RALGPS1: variants seen among roughly 807,000 people sequenced by gnomAD.
RALGPS1 encodes Ral GEF with PH domain and SH3 binding motif 1, also known as ras-specific guanine nucleotide-releasing factor RalGPS1.
A neutral mutation model predicts 78.8 loss-of-function variants in RALGPS1; 19 were observed. The ratio of observed to expected loss-of-function variants is 0.24; its 90% CI spans 0.17 to 0.35. The LOEUF is 0.35. RALGPS1 is among the 10% of genes least tolerant of loss of function. The pLI is 1.00. For missense variants in RALGPS1, 454 were observed against 688.3 expected, an observed-to-expected ratio of 0.66 and a Z score of 3.81; for synonymous variants, 228 against 256.3, an observed-to-expected ratio of 0.89 and a Z score of 1.06.
intron 8 of RALGPS1, among the ~76,000 whole-genome samples, chr9:127,141,612 A>G (rs2057777907): frequency 8.0e-6 from 1 of 125,498 alleles, no homozygotes; most frequent in Non-Finnish European, 1.7e-5. Context: ...TATTTTTTTA[A>G]TGGCAAAAAA....
intron 1 of RALGPS1, among the ~76,000 whole-genome samples, chr9:126,925,871 G>T (rs1453314389): frequency 6.6e-6 from 1 of 152,204 alleles, no homozygotes; most frequent in Non-Finnish European, 1.5e-5. Context: ...AGGTGGAGAG[G>T]TGGCAGTTGC....
chr9:127,040,225 A>G (rs1037869127), intron 5 of RALGPS1, among the ~76,000 whole-genome samples: 3 of 152,180 alleles, frequency 2.0e-5, no homozygotes, highest in African/African-American at 7.2e-5. Flanking sequence ...ACATGGCAAA[A>G]TCCCATCTCT....
chr9:127,165,179 G>A (rs1278177375), intron 8 of RALGPS1, among the ~76,000 whole-genome samples: 2 of 152,164 alleles, frequency 1.3e-5, no homozygotes, highest in Admixed American at 6.5e-5. Context: ...CACTTCTCCT[G>A]CCCAACTCTG....
intron 8 of RALGPS1, among the ~76,000 whole-genome samples, chr9:127,111,578 G>C (rs967125501): frequency 7.9e-5 from 12 of 152,252 alleles, no homozygotes; most frequent in Admixed American, 7.9e-4. Context: ...GAGGAGGTCA[G>C]AGCTGCGCAG....
In RALGPS1 at chr9:127,222,889, C is replaced by G. The variant is rs2062811046; in HGVS notation, c.*4120C>G. On this transcript the variant is annotated 3_prime_UTR_variant, in exon 19 of 19. Coordinates refer to ENST00000259351, the MANE Select transcript of RALGPS1 (RefSeq NM_014636.3). ...CGTTTCCTGTTAAATCTGTTGCACT[C>G]TCCTGGGCTGTCTTTTTCTCCAGCA... is the stretch of plus-strand genomic sequence containing the variant. 6.6e-6 allele frequency: 1 copy of G among 152,626 alleles called. No homozygotes were observed. The highest frequency in any genetic ancestry group is 2.1e-4 in the South Asian group (1 of 4,834). The allele number at this position is 152,626 out of a possible 1,614,324, so 9.5% of individuals were successfully genotyped here. A position where few individuals can be genotyped will look rare whatever the true frequency, so the allele number is the denominator to read the frequency against.
Position 126,914,982 on chromosome 9 carries a change from G to T in RALGPS1, c.-66+7G>T. 1 of 151,392 alleles carries T rather than the reference G, an allele frequency of 6.6e-6. No individual in the cohort carries two copies. 9.4% of individuals were successfully genotyped at this position (151,392 alleles called of 1,614,324 possible). A position where few individuals can be genotyped will look rare whatever the true frequency, so the allele number is the denominator to read the frequency against. ...CACTGCGGCCCGCGTCAAGGTGACC[G>T]GCCGGGACTGCGGCGGCGGGGAGAG... is the stretch of plus-strand genomic sequence containing the variant. On this transcript the variant is annotated splice_region_variant and intron_variant, in intron 1 of 18. Coordinates refer to ENST00000259351, the MANE Select transcript of RALGPS1 (RefSeq NM_014636.3).
intron 4 of RALGPS1, among the ~76,000 whole-genome samples, chr9:127,026,963 G>T (rs530659709): frequency 6.6e-6 from 1 of 152,290 alleles, no homozygotes; most frequent in East Asian, 1.9e-4. Context: ...GCGGGTGGGG[G>T]TGCTGGCTGA....
At chr9:126,969,157 T>A (rs1174227488) in intron 3 of RALGPS1, among the ~76,000 whole-genome samples, 4 of 152,248 alleles carry the variant, frequency 2.6e-5, no homozygotes, top group Non-Finnish European at 4.4e-5. Context: ...ATTATCATTT[T>A]AAAATATAAG....
Position 127,072,196 on chromosome 9 carries a change from C to T in RALGPS1, c.610+2840C>T, listed in dbSNP as rs937996042. ...ATTGCCAAATAATATTCCATTGTAC[C>T]GATGCACCACGTTTAATTTATCCAT... On this transcript the variant is annotated intron_variant, in intron 8 of 18. Coordinates refer to ENST00000259351, the MANE Select transcript of RALGPS1 (RefSeq NM_014636.3). Among the ~76,000 whole-genome samples the T allele has an allele frequency of 5.9e-5, 9 of 152,230 alleles. No homozygotes were observed. In the South Asian group the frequency reaches 1.2e-3, roughly 21 times the overall value.
In RALGPS1 at chr9:127,168,788, T is replaced by G; in HGVS notation, c.842+16T>G. The G allele has an allele frequency of 6.3e-7, 1 of 1,587,268 alleles. No homozygotes were observed. The highest frequency in any genetic ancestry group is 8.7e-7 in the Non-Finnish European group (1 of 1,155,624). On this transcript the variant is annotated intron_variant, in intron 10 of 18. Transcript: ENST00000259351. ...ACAACTACAAGTAAGTCCCCACGTATTCCTGTGTCAGGCCTCCCAGCCCCA... is the reference window on the plus strand; with the variant it reads ...ACAACTACAAGTAAGTCCCCACGTAGTCCTGTGTCAGGCCTCCCAGCCCCA...
chr9:127,206,825 T>C (rs1164262339), intron 14 of RALGPS1, among the ~76,000 whole-genome samples: 1 of 152,096 alleles, frequency 6.6e-6, no homozygotes, highest in Non-Finnish European at 1.5e-5. Context: ...GGAGTGAAGA[T>C]GGCCTTTCAG....
chr9:127,137,274 C>T (rs538713365), intron 8 of RALGPS1, among the ~76,000 whole-genome samples: 2 of 152,332 alleles, frequency 1.3e-5, no homozygotes, highest in South Asian at 4.1e-4. Context: ...ACCCTCCAGA[C>T]TAGTGGCCCA....
At chr9:127,042,986 T>C (rs1308454505) in intron 5 of RALGPS1, among the ~76,000 whole-genome samples, 1 of 152,152 alleles carries the variant, frequency 6.6e-6, no homozygotes, top group East Asian at 1.9e-4. Flanking sequence ...TCTGTTAATA[T>C]GGAAACCTCA....
At chr9:127,057,735 A>G (rs980056780) in intron 7 of RALGPS1, among the ~76,000 whole-genome samples, 7 of 152,232 alleles carry the variant, frequency 4.6e-5, no homozygotes, top group Admixed American at 6.5e-5. Flanking sequence ...GCTGTTATTC[A>G]TTCTGCAAAT....
chr9:126,943,667 G>A (rs1030281365), intron 1 of RALGPS1, among the ~76,000 whole-genome samples: 24 of 152,106 alleles, frequency 1.6e-4, no homozygotes, highest in African/African-American at 5.1e-4. Context: ...CAGGTTTTCC[G>A]TTTTCCTGTC....
rs3780327 is a variant in RALGPS1 at position 127,183,568 on chromosome 9, A to T, written c.910+8786A>T. ...TCTTCTGGCACAGCCGTTTGGCCTC[A>T]TCAGGCCTGAGTAAGGCACAGTAGC... is the stretch of plus-strand genomic sequence containing the variant. On this transcript the variant is annotated intron_variant, in intron 11 of 18. Coordinates refer to ENST00000259351, the MANE Select transcript of RALGPS1 (RefSeq NM_014636.3). This position sits in a 1 kb window ranked among gnomAD's most constrained non-coding sequence, Gnocchi z 4.0. Among the ~76,000 whole-genome samples the T allele has an allele frequency of 9.2e-5, 14 of 151,994 alleles. No homozygotes were observed. The highest frequency in any genetic ancestry group is 2.1e-4 in the Non-Finnish European group (14 of 68,008).
intron 1 of RALGPS1, among the ~76,000 whole-genome samples, chr9:126,939,518 T>G (rs1241767436): frequency 6.6e-6 from 1 of 152,212 alleles, no homozygotes; most frequent in Non-Finnish European, 1.5e-5. Context: ...GCACCCCCAG[T>G]ACTCCTGAGC....
intron 2 of RALGPS1, among the ~76,000 whole-genome samples, chr9:126,963,082 G>A (rs1185547902): frequency 1.3e-5 from 2 of 151,348 alleles, no homozygotes; most frequent in Admixed American, 1.3e-4. Flanking sequence ...CTGAAATCGG[G>A]ATAGGTTTAA....
In RALGPS1 at chr9:127,219,731, T is replaced by C. The variant is rs2062724399; in HGVS notation, c.*962T>C. 1 of 152,708 alleles carries C rather than the reference T, an allele frequency of 6.5e-6. No homozygotes were observed. The allele number at this position is 152,708 out of a possible 1,614,324, so 9.5% of individuals were successfully genotyped here. On this transcript the variant is annotated 3_prime_UTR_variant, in exon 19 of 19. Transcript: ENST00000259351. This position sits in a 1 kb window ranked among gnomAD's most constrained non-coding sequence, Gnocchi z 5.0. ...ATAGTGATCAGCTGTGCAGGAGCCATGAGGCACCAACCTCTCCCCGCAGGG... is the reference window on the plus strand; with the variant it reads ...ATAGTGATCAGCTGTGCAGGAGCCACGAGGCACCAACCTCTCCCCGCAGGG...
Sources: allele counts gnomAD v4.1 joint callset (sites outside exome capture counted in the v4.1 genomes callset), GRCh38; gene constraint gnomAD v4.1.1; non-coding constraint Gnocchi (gnomAD v3.1); transcripts MANE v1.5; gene names NCBI Gene and HGNC (gene_info 2026-07-23, HGNC 2026-07-21).